The following FXR1 variants were observed in gnomAD, a reference collection of about 807,000 sequenced individuals.
FXR1 encodes the protein FMR1 autosomal homolog 1, also known as RNA-binding protein FXR1.
A neutral mutation model predicts 84.0 loss-of-function variants in FXR1; 15 were observed. The observed-to-expected ratio is 0.18, with a 90% CI of 0.12 to 0.27. The LOEUF is 0.27. Ranked by LOEUF, FXR1 falls within the 10% of genes least tolerant of loss-of-function variation. FXR1 has a pLI of 1.00. For missense variants in FXR1, 480 were observed against 774.4 expected (o/e 0.62, Z 4.51); for synonymous variants, 245 against 250.7 (o/e 0.98, Z 0.21).
intron 3 of FXR1, among the ~76,000 whole-genome samples, chr3:180,939,185 C>T (rs376560029): frequency 2.6e-5 from 4 of 152,068 alleles, no homozygotes; most frequent in Non-Finnish European, 4.4e-5. Flanking sequence ...TGAGACACTG[C>T]GCAGGCTTAC....
chr3:180,922,030 A>G (rs576480299), intron 1 of FXR1, among the ~76,000 whole-genome samples: 2 of 152,214 alleles, frequency 1.3e-5, no homozygotes, highest in South Asian at 2.1e-4. Flanking sequence ...CATCTTAACT[A>G]TTTTCATGTG....
chr3:180,920,725 G>A (rs1043936960), intron 1 of FXR1, among the ~76,000 whole-genome samples: 1 of 152,110 alleles, frequency 6.6e-6, no homozygotes, highest in East Asian at 1.9e-4. Context: ...TGACTAGGCT[G>A]ACCTTGAGCT....
intron 1 of FXR1, among the ~76,000 whole-genome samples, chr3:180,927,356 G>A (rs1719350264): frequency 6.6e-6 from 1 of 152,038 alleles, no homozygotes; most frequent in South Asian, 2.1e-4. Context: ...CTTATAAAAT[G>A]AGTGGTTTAT....
chr3:180,972,531 T>C (rs987355575), intron 15 of FXR1, among the ~76,000 whole-genome samples: 1 of 152,214 alleles, frequency 6.6e-6, no homozygotes, highest in African/African-American at 2.4e-5. Flanking sequence ...CTGGCCCTAC[T>C]GTAAACAAGA....
chr3:180,949,379 C>A, intron 7 of FXR1, 36 bp downstream of exon 7: 1 of 983,550 alleles, frequency 1.0e-6, no homozygotes, highest in South Asian at 1.3e-5. Flanking sequence ...TTTTCTGTGT[C>A]CCATTTAGTT....
rs145999495 is a variant in FXR1, at chr3:180,921,703, C to T, written c.51+8967C>T. Reference sequence around the variant, plus strand: ...GAAGTGGGGAGTGGTGATGCACATACGTGCTGTATGGAAAACGTGTTGGCT... The same window carrying T: ...GAAGTGGGGAGTGGTGATGCACATATGTGCTGTATGGAAAACGTGTTGGCT... On this transcript the variant is annotated intron_variant, in intron 1 of 16. Coordinates refer to ENST00000357559, the MANE Select transcript of FXR1 (RefSeq NM_005087.4). Among the ~76,000 whole-genome samples, 1,319 of 152,220 alleles carry T rather than the reference C, an allele frequency of 8.7e-3. 24 individuals carry two copies. Among genetic ancestry groups the T allele is most frequent in the African/African-American group, 0.03 (1,259 of 41,516 alleles).
intron 1 of FXR1, among the ~76,000 whole-genome samples, chr3:180,920,703 G>A (rs512735): frequency 0.25 from 38,219 of 151,930 alleles, 6,303 homozygotes; most frequent in African/African-American, 0.46. Flanking sequence ...TAGAGATGGC[G>A]ATTTGCCGTG....
chr3:180,975,399 G>A lies in FXR1; in HGVS notation c.1690G>A (p.Glu564Lys). ...PRETLAKNKK[E>K]MAKDVIEEHG... is the part of the protein sequence containing the mutation. The stretch of plus-strand genomic sequence containing the variant: ...GGAAACTTTGGCTAAAAACAAGAAA[G>A]AAATGGTAAGGAGAATTTAACCTGT... The change falls in exon 16 of 17, where the codon GAA (glutamate) becomes AAA (lysine). Residue 564 changes from glutamate to lysine, a missense_variant. Physicochemically the swap from Glu to Lys is moderately conservative, Grantham distance 56. This residue lies in a region of FXR1 where 94 missense variants were observed against 81.8 expected (regional missense o/e 1.15). Transcript: ENST00000357559. 1 of 1,297,280 alleles carries A rather than the reference G, an allele frequency of 7.7e-7. No homozygotes were observed. Among genetic ancestry groups the A allele is most frequent in the Non-Finnish European group, 1.1e-6 (1 of 913,196 alleles). 80.4% of individuals were successfully genotyped at this position (1,297,280 alleles called of 1,614,324 possible).
In FXR1 at chr3:180,957,961, A is replaced by AATTTAAAG. The variant is rs760774217; in HGVS notation, c.990+35_990+36insTTAAAGAT. The AATTTAAAG allele has an allele frequency of 4.0e-6, 4 of 998,304 alleles. No individual in the cohort carries two copies. The South Asian group carries it at 6.1e-5, about 15-fold the overall frequency. The allele number at this position is 998,304 out of a possible 1,614,324, so 61.8% of individuals were successfully genotyped here. On this transcript the variant is annotated intron_variant, in intron 10 of 16. Transcript: ENST00000357559. ...TTTAAAATGTAATCTGCCTCTTTAA[A>AATTTAAAG]ATGTCCTTTTTTTGGCCAACTTAAT... is the stretch of plus-strand genomic sequence containing the variant.
At chr3:180,917,559 G>A (rs1718044772) in intron 1 of FXR1, among the ~76,000 whole-genome samples, 1 of 152,146 alleles carries the variant, frequency 6.6e-6, no homozygotes, top group Non-Finnish European at 1.5e-5. Flanking sequence ...GATCACAACA[G>A]CTTTTATTTT....
rs986216258 is a variant in FXR1 at position 180,917,681 on chromosome 3, G to T, written c.51+4945G>T. On this transcript the variant is annotated intron_variant, in intron 1 of 16. Coordinates refer to ENST00000357559, the MANE Select transcript of FXR1 (RefSeq NM_005087.4). Reference sequence around the variant, plus strand: ...AAGTCAACTTAGGCCGGGCGCCGTGGCTCATGCCTGTAATCCCAGCACTTT... The same window carrying T: ...AAGTCAACTTAGGCCGGGCGCCGTGTCTCATGCCTGTAATCCCAGCACTTT... Among the ~76,000 whole-genome samples the T allele has an allele frequency of 5.2e-4, 79 of 152,126 alleles. 5 individuals carry two copies.
At chr3:180,963,939 G>T (rs1712471480) in intron 13 of FXR1, among the ~76,000 whole-genome samples, 1 of 151,546 alleles carries the variant, frequency 6.6e-6, no homozygotes. Flanking sequence ...TCCCTTTTGA[G>T]GAAATATAAA....
intron 9 of FXR1, among the ~76,000 whole-genome samples, chr3:180,955,061 C>T (rs1204873453): frequency 6.8e-6 from 1 of 147,174 alleles, no homozygotes; most frequent in Non-Finnish European, 1.5e-5. Flanking sequence ...GCGATGCAAT[C>T]TCGGCTCACT....
At chr3:180,913,057 A>C (rs1481465348) in intron 1 of FXR1, among the ~76,000 whole-genome samples, 1 of 152,022 alleles carries the variant, frequency 6.6e-6, no homozygotes, top group Non-Finnish European at 1.5e-5. Context: ...CCTTCGGAGC[A>C]GGCCCGAGCT....
chr3:180,949,480 G>A (rs945975946), intron 7 of FXR1, 137 bp downstream of exon 7: 8 of 654,020 alleles, frequency 1.2e-5, no homozygotes, highest in Admixed American at 4.5e-5. Context: ...TCCACCTCCC[G>A]GATTCAAGCG....
chr3:180,918,794 T>C (rs890558123), intron 1 of FXR1, among the ~76,000 whole-genome samples: 1 of 152,222 alleles, frequency 6.6e-6, no homozygotes, highest in Non-Finnish European at 1.5e-5. Context: ...CTAATTTTCA[T>C]TGAGTACCCA....
At chr3:180,917,009 T>A (rs1576880691) in intron 1 of FXR1, among the ~76,000 whole-genome samples, 1 of 152,122 alleles carries the variant, frequency 6.6e-6, no homozygotes, top group East Asian at 1.9e-4. Flanking sequence ...TAATTTTTTG[T>A]ATTTTTAGTA....
rs867136352 is a variant in FXR1 at position 180,954,520 on chromosome 3, A to C, written c.880+680A>C. On this transcript the variant is annotated intron_variant, in intron 9 of 16. Coordinates refer to ENST00000357559, the MANE Select transcript of FXR1 (RefSeq NM_005087.4). The stretch of plus-strand genomic sequence containing the variant: ...GTTAATTTATAGCTCTGTTATTAAT[A>C]TGCACTACATCTGTGCTGTCTTTTT... 3.0e-4 allele frequency among the ~76,000 whole-genome samples: 45 copies of C among 152,340 alleles called. 1 individual carries two copies. The Middle Eastern group carries it at 0.014, about 46-fold the overall frequency.
chr3:180,940,899 T>G (rs2108454003), intron 3 of FXR1, among the ~76,000 whole-genome samples: 1 of 152,322 alleles, frequency 6.6e-6, no homozygotes, highest in South Asian at 2.1e-4. Flanking sequence ...TTGTAAGGTT[T>G]CTTCCTTGCA....
Sources: gnomAD v4.1 joint callset for allele counts (sites outside exome capture counted in the v4.1 genomes callset) on GRCh38, gnomAD v4.1.1 for gene constraint, gnomAD v4.1.1 regional missense constraint, MANE v1.5 for transcripts, NCBI Gene and HGNC (gene_info 2026-07-23, HGNC 2026-07-21) for gene names.